AKR1C4: variants seen among roughly 807,000 people sequenced by gnomAD.
AKR1C4 encodes 3-alpha-HSD1.
In AKR1C4, 44 loss-of-function variants were observed where a neutral mutation model predicts 41.0. The ratio of observed to expected loss-of-function variants is 1.07; its 90% CI spans 0.84 to 1.38. AKR1C4 has a LOEUF of 1.38. Among genes scored for constraint, AKR1C4 ranks in the 40% most tolerant of loss-of-function variants. The pLI is 0.00. For missense variants in AKR1C4, 438 were observed against 387.9 expected, an observed-to-expected ratio of 1.13 and a Z score of -1.09; for synonymous variants, 165 against 137.7, an observed-to-expected ratio of 1.20 and a Z score of -1.39.
At chr10:5,212,493 T>A in intron 5 of AKR1C4, 123 bp from the exon 6 acceptor site, 2 of 893,084 alleles carry the variant, frequency 2.2e-6, no homozygotes, top group Non-Finnish European at 3.3e-6. Flanking sequence ...TATAAAATGA[T>A]TGTTACTTGA....
At chr10:5,209,577 T>C (rs1016202466) in intron 5 of AKR1C4, among the ~76,000 whole-genome samples, 3 of 152,146 alleles carry the variant, frequency 2.0e-5, no homozygotes, top group Non-Finnish European at 4.4e-5. Context: ...GACTGGGACT[T>C]ATAGTTCCAA....
intron 4 of AKR1C4, 138 bp from the exon 5 acceptor site, chr10:5,206,137 T>C: frequency 6.9e-7 from 1 of 1,441,626 alleles, no homozygotes; most frequent in Non-Finnish European, 9.4e-7. Flanking sequence ...TGTTATCTGT[T>C]GTAATTTTTT....
chr10:5,218,724 G>C lies in AKR1C4; in HGVS notation c.936G>C (p.Met312Ile). The C allele has an allele frequency of 3.1e-6, 5 of 1,600,040 alleles. No homozygotes were observed. Among genetic ancestry groups the C allele is most frequent in the Non-Finnish European group, 4.3e-6 (5 of 1,167,362 alleles). ...CTATCCTTTCTCTTTTCAGTCTTATGGACCATCCTGATTATCCATTTTCAG... is the reference window on the plus strand; with the variant it reads ...CTATCCTTTCTCTTTTCAGTCTTATCGACCATCCTGATTATCCATTTTCAG... Reference protein sequence around the residue: ...NYRYVVMDFLMDHPDYPFSDE... With the variant: ...NYRYVVMDFLIDHPDYPFSDE... The change falls in exon 9 of 9, where the codon ATG becomes ATC. Residue 312 changes from methionine (M) to isoleucine (I), a missense_variant. By Grantham distance (10) the Met-to-Ile change is conservative (BLOSUM62 1). Coordinates refer to ENST00000263126, the MANE Select transcript of AKR1C4 (RefSeq NM_001818.5).
chr10:5,216,204 G>T (rs1832654215), intron 7 of AKR1C4, among the ~76,000 whole-genome samples: 1 of 152,132 alleles, frequency 6.6e-6, no homozygotes, highest in South Asian at 2.1e-4. Flanking sequence ...GATTTCATGT[G>T]AACTAATGCA....
intron 3 of AKR1C4, among the ~76,000 whole-genome samples, chr10:5,204,939 T>C (rs1308539684): frequency 6.6e-6 from 1 of 152,218 alleles, no homozygotes; most frequent in Non-Finnish European, 1.5e-5. Context: ...GAAACCATAA[T>C]AGGACCTGAG....
intron 8 of AKR1C4, among the ~76,000 whole-genome samples, chr10:5,218,441 C>T (rs1226950993): frequency 6.6e-6 from 1 of 151,664 alleles, no homozygotes; most frequent in Admixed American, 6.6e-5. Flanking sequence ...TCTCTTTGCT[C>T]TGTTGACAGA....
chr10:5,199,871 G>A (rs538285680), intron 1 of AKR1C4, among the ~76,000 whole-genome samples: 179 of 152,248 alleles, frequency 1.2e-3, no homozygotes, highest in Middle Eastern at 6.8e-3. Flanking sequence ...TAAGGTAGAG[G>A]GTCTAATTGA....
Position 5,216,318 on chromosome 10 carries a change from C to T in AKR1C4, c.847-393C>T, listed in dbSNP as rs10458789. ...ACCCACTTCCATCATTGGGGAATTA[C>T]TTTTTAACATGAGATTAGGAGGGGA... On this transcript the variant is annotated intron_variant, in intron 7 of 8. Coordinates refer to ENST00000263126, the MANE Select transcript of AKR1C4 (RefSeq NM_001818.5). Among the ~76,000 whole-genome samples, 345 of 152,312 alleles carry T rather than the reference C, an allele frequency of 2.3e-3. 12 individuals are homozygous for T. The East Asian group carries it at 0.048, about 21-fold the overall frequency.
At chr10:5,202,725 C>G (rs1832419333) in intron 2 of AKR1C4, among the ~76,000 whole-genome samples, 1 of 151,964 alleles carries the variant, frequency 6.6e-6, no homozygotes, top group Admixed American at 6.6e-5. Flanking sequence ...TTTTTTGCAT[C>G]TATTGAAATG....
intron 2 of AKR1C4, among the ~76,000 whole-genome samples, chr10:5,201,526 C>CA: frequency 6.6e-6 from 1 of 152,242 alleles, no homozygotes; most frequent in Admixed American, 6.5e-5. Context: ...GCATAGTTTG[C>CA]AAAAACTTTC....
intron 2 of AKR1C4, among the ~76,000 whole-genome samples, chr10:5,202,939 T>TTGTG (rs57414547): frequency 0.069 from 9,640 of 138,938 alleles, 470 homozygotes; most frequent in East Asian, 0.2. Flanking sequence ...TAGTTTTCTT[T>TTGTG]TGTGTGTGTG....
intron 8 of AKR1C4, 126 bp downstream of exon 8, chr10:5,216,919 C>G (rs1832665451): frequency 1.6e-6 from 1 of 625,704 alleles, no homozygotes; most frequent in Non-Finnish European, 2.8e-6. Flanking sequence ...GACAGGAACT[C>G]TCTGGAACTC....
chr10:5,200,540 A>C (rs1832385596), intron 2 of AKR1C4, among the ~76,000 whole-genome samples, 192 bp downstream of exon 2: 1 of 152,198 alleles, frequency 6.6e-6, no homozygotes, highest in Non-Finnish European at 1.5e-5. Flanking sequence ...TGTTGTGTTC[A>C]AATTTACTAC....
chr10:5,205,951 G>C, intron 4 of AKR1C4, 117 bp downstream of exon 4: 3 of 1,147,540 alleles, frequency 2.6e-6, no homozygotes, highest in Non-Finnish European at 3.7e-6. Flanking sequence ...TAAGGAGCTT[G>C]ACAAAGGAAG....
chr10:5,212,651 G>T lies in AKR1C4; in HGVS notation c.606G>T (p.Leu202=). ...ATCCTTACCTCAACCAGAGCAAACT[G>T]CTGGATTTCTGCAAGTCAAAAGACA... ...ECHPYLNQSK[L]LDFCKSKDIV... is the part of the protein sequence containing the mutation. Residue 202 remains leucine (L), a synonymous_variant, in exon 6 of 9, where the codon CTG becomes CTT. Transcript: ENST00000263126. 2 of 1,613,698 alleles carry T rather than the reference G, an allele frequency of 1.2e-6. No homozygotes were observed. Among genetic ancestry groups the T allele is most frequent in the East Asian group, 2.2e-5 (1 of 44,882 alleles).
intron 5 of AKR1C4, among the ~76,000 whole-genome samples, chr10:5,206,610 G>A (rs1832492044): frequency 6.6e-6 from 1 of 152,186 alleles, no homozygotes; most frequent in Non-Finnish European, 1.5e-5. Context: ...ATGCTAAATT[G>A]TGTGTACTAT....
intron 6 of AKR1C4, 110 bp downstream of exon 6, chr10:5,212,835 T>C (rs1465339255): frequency 1.4e-6 from 2 of 1,402,778 alleles, no homozygotes; most frequent in Non-Finnish European, 1.9e-6. Flanking sequence ...GGTAAGGGGA[T>C]AATTTGCATT....
At chr10:5,198,892 T>C (rs1283288230) in intron 1 of AKR1C4, among the ~76,000 whole-genome samples, 2 of 151,120 alleles carry the variant, frequency 1.3e-5, no homozygotes, top group African/African-American at 4.9e-5. Context: ...GTCCTAGCTA[T>C]TTGGGAGGCC....
chr10:5,207,686 G>A (rs1554797599), intron 5 of AKR1C4: 18 of 817,396 alleles, frequency 2.2e-5, no homozygotes, highest in Non-Finnish European at 3.2e-5. Context: ...ATAAAGGAAG[G>A]ACTTGAGAAA....
Sources: gnomAD v4.1 joint callset for allele counts (sites outside exome capture counted in the v4.1 genomes callset) on GRCh38, gnomAD v4.1.1 for gene constraint, MANE v1.5 for transcripts, NCBI Gene and HGNC (gene_info 2026-07-23, HGNC 2026-07-21) for gene names.